TMEM43: variants seen among roughly 807,000 people sequenced by gnomAD.
The protein encoded by TMEM43 is arrhythmogenic right ventricular dysplasia 5.
Under a neutral mutation model 49.6 loss-of-function variants are expected in TMEM43, and 45 were observed. The observed-to-expected ratio is 0.91, with a 90% CI of 0.71 to 1.16. TMEM43 has a LOEUF of 1.16. Ranked by LOEUF, TMEM43 falls within the 50% of genes most tolerant of loss-of-function variation. The probability of loss-of-function intolerance (pLI) is 0.00; values close to 1 mark genes in which losing one functional copy is unlikely to be tolerated. For synonymous variants in TMEM43, 199 were observed against 207.8 expected (o/e 0.96, Z 0.36); for missense variants, 532 against 516.6 (o/e 1.03, Z -0.29).
Position 14,125,073 on chromosome 3 carries a change from TG to T in TMEM43, c.-119del. On this transcript the variant is annotated 5_prime_UTR_variant, in exon 1 of 12. Transcript: ENST00000306077. ...AACTGCAGTAAGTCCCGCTTGGCCC[TG>T]GAGTCCACGCGGATTTTCGAAGCTG... is the stretch of plus-strand genomic sequence containing the variant. 7.6e-7 allele frequency: 1 copy of T among 1,308,488 alleles called. No homozygotes were observed. 81.1% of individuals were successfully genotyped at this position (1,308,488 alleles called of 1,614,324 possible).
At chr3:14,131,024 G>A in intron 3 of TMEM43, 68 bp downstream of exon 3, 2 of 1,561,934 alleles carry the variant, frequency 1.3e-6, no homozygotes, top group Non-Finnish European at 1.7e-6. Flanking sequence ...TCTGGCTGAG[G>A]ATTTGAAAGC....
chr3:14,133,866 GCCGGAGCTC>G, intron 7 of TMEM43, 57 bp downstream of exon 7: 3 of 1,500,012 alleles, frequency 2.0e-6, no homozygotes, highest in Non-Finnish European at 2.8e-6. Flanking sequence ...CCCCCCTAGG[GCCGGAGCTC>G]CCAGTACTCA....
chr3:14,131,543 T>A (rs964413573), intron 3 of TMEM43, 37 bp from the exon 4 acceptor site: 1 of 1,576,778 alleles, frequency 6.3e-7, no homozygotes, highest in African/African-American at 1.3e-5. Context: ...GTGAATGTTA[T>A]CCTTTATTTT....
chr3:14,128,652 A>G (rs1159324131), intron 1 of TMEM43, among the ~76,000 whole-genome samples: 5 of 152,238 alleles, frequency 3.3e-5, no homozygotes. Context: ...CAGAAAGCTC[A>G]GCCACTGTTT....
At position 14,141,841 on chromosome 3, in the gene TMEM43, A is replaced by AG. The variant is rs1330931103; in HGVS notation, c.*48dup. The AG allele has an allele frequency of 2.5e-6, 4 of 1,571,006 alleles. No individual in the cohort carries two copies. Among genetic ancestry groups the AG allele is most frequent in the Non-Finnish European group, 3.5e-6 (4 of 1,158,820 alleles). ...GACACCTGCGTGAGCCCTAGGATCC[A>AG]GGTCCTCTCTCACCTCTGACCCAGC... On this transcript the variant is annotated 3_prime_UTR_variant, in exon 12 of 12. Transcript: ENST00000306077.
rs138527599 is a variant in TMEM43 at position 14,126,895 on chromosome 3, G to A, written c.12+1690G>A. On this transcript the variant is annotated intron_variant, in intron 1 of 11. Coordinates refer to ENST00000306077, the MANE Select transcript of TMEM43 (RefSeq NM_024334.3). ...GTACAGCAGCAGCAGTACCTGTGGT[G>A]AAGGTACTATTCCCCTCTCCACTTT... is the stretch of plus-strand genomic sequence containing the variant. Among the ~76,000 whole-genome samples the A allele has an allele frequency of 7.1e-3, 1,080 of 152,346 alleles. 5 individuals carry two copies. The highest frequency in any genetic ancestry group is 0.011 in the Non-Finnish European group (775 of 68,030).
chr3:14,134,920 TAGG>T (rs1176182361), intron 8 of TMEM43, 29 bp downstream of exon 8: 3 of 1,613,726 alleles, frequency 1.9e-6, no homozygotes, highest in African/African-American at 1.3e-5. Context: ...GCTCTCCAAA[TAGG>T]AGGGTCAGGG....
chr3:14,131,654 G>T lies in TMEM43; in HGVS notation c.372G>T (p.Trp124Cys). The T allele has an allele frequency of 1.2e-6, 2 of 1,614,022 alleles. No homozygotes were observed. The highest frequency in any genetic ancestry group is 1.7e-6 in the Non-Finnish European group (2 of 1,179,916). Residue 124 changes from tryptophan to cysteine, a missense_variant, in exon 4 of 12, where the codon TGG becomes TGT. Transcript: ENST00000306077. Reference sequence around the variant, plus strand: ...GGAGGCACGTGGAGATGTACCAATGGGTAGAAACTGAGGAGTCCAGGTGAG... The same window carrying T: ...GGAGGCACGTGGAGATGTACCAATGTGTAGAAACTGAGGAGTCCAGGTGAG... ...KLRRHVEMYQ[W>C]VETEESREYT...
At chr3:14,129,881 G>GT (rs2124985997) in intron 2 of TMEM43, among the ~76,000 whole-genome samples, 1 of 152,250 alleles carries the variant, frequency 6.6e-6, no homozygotes. Flanking sequence ...CTATTATGGT[G>GT]TTTTTCTTGG....
intron 1 of TMEM43, among the ~76,000 whole-genome samples, chr3:14,125,682 G>A (rs566022212): frequency 3.9e-5 from 6 of 152,166 alleles, no homozygotes; most frequent in Non-Finnish European, 5.9e-5. Flanking sequence ...AGAGCTCTCC[G>A]CCCTAGGGAG....
rs188070570 is a variant in TMEM43 at position 14,139,421 on chromosome 3, C to T, written c.1000+124C>T. Reference sequence around the variant, plus strand: ...CCTTGTGCAGATACCAGGCATTTGGCTCATCTCTGTGTCCCCGCTCCATAG... The same window carrying T: ...CCTTGTGCAGATACCAGGCATTTGGTTCATCTCTGTGTCCCCGCTCCATAG... On this transcript the variant is annotated intron_variant, in intron 11 of 11. Transcript: ENST00000306077. 3.9e-4 allele frequency: 297 copies of T among 770,296 alleles called. No individual in the cohort carries two copies. The African/African-American group carries it at 4.6e-3, about 12-fold the overall frequency. 47.7% of individuals were successfully genotyped at this position (770,296 alleles called of 1,614,324 possible). A position where few individuals can be genotyped will look rare whatever the true frequency, so the allele number is the denominator to read the frequency against.
Position 14,141,706 on chromosome 3 carries a change from C to T in TMEM43, c.1114C>T (p.Arg372Ter), listed in dbSNP as rs773224617. Reference protein sequence around the residue: ...LTVAAGWLFYRPLWALLIAGL... With the variant: ...LTVAAGWLFY ...CGTGGCGGCTGGCTGGCTCTTCTAC[C>T]GACCCCTGTGGGCCCTCCTCATTGC... The change falls in exon 12 of 12, where the codon CGA (arginine) becomes TGA (stop). Residue 372 changes from arginine to a stop codon, truncating the protein, a stop_gained. Coordinates refer to ENST00000306077, the MANE Select transcript of TMEM43 (RefSeq NM_024334.3). LOFTEE classifies it high-confidence loss of function. 15 of 1,614,076 alleles carry T rather than the reference C, an allele frequency of 9.3e-6. No individual in the cohort carries two copies. The highest frequency in any genetic ancestry group is 1.3e-5 in the African/African-American group (1 of 74,946).
In TMEM43 at chr3:14,125,082, CG is replaced by C; in HGVS notation, c.-111del. 3 of 1,410,002 alleles carry C rather than the reference CG, an allele frequency of 2.1e-6. No homozygotes were observed. Among genetic ancestry groups the C allele is most frequent in the Non-Finnish European group, 2.9e-6 (3 of 1,018,026 alleles). The allele number at this position is 1,410,002 out of a possible 1,614,324, so 87.3% of individuals were successfully genotyped here. Reference sequence around the variant, plus strand: ...AAGTCCCGCTTGGCCCTGGAGTCCACGCGGATTTTCGAAGCTGGGGCTGGCA... The same window carrying C: ...AAGTCCCGCTTGGCCCTGGAGTCCACCGGATTTTCGAAGCTGGGGCTGGCA... On this transcript the variant is annotated 5_prime_UTR_variant, in exon 1 of 12. Transcript: ENST00000306077.
intron 2 of TMEM43, among the ~76,000 whole-genome samples, 159 bp from the exon 3 acceptor site, chr3:14,130,663 T>C (rs947044110): frequency 6.6e-6 from 1 of 152,066 alleles, no homozygotes; most frequent in African/African-American, 2.4e-5. Flanking sequence ...GTTCCAGTCC[T>C]TACTCTCCAC....
chr3:14,125,412 C>T (rs954419475), intron 1 of TMEM43, among the ~76,000 whole-genome samples: 2 of 152,244 alleles, frequency 1.3e-5, no homozygotes, highest in Non-Finnish European at 2.9e-5. Flanking sequence ...GTCCGTGTTC[C>T]TTGGCTCGCC....
At chr3:14,126,729 A>G (rs984115885) in intron 1 of TMEM43, among the ~76,000 whole-genome samples, 2 of 152,228 alleles carry the variant, frequency 1.3e-5, no homozygotes, top group Non-Finnish European at 2.9e-5. Flanking sequence ...TCACCAAGGA[A>G]TATACATGCA....
At chr3:14,130,110 C>G (rs1195048706) in intron 2 of TMEM43, among the ~76,000 whole-genome samples, 1 of 151,010 alleles carries the variant, frequency 6.6e-6, no homozygotes, top group Admixed American at 6.6e-5. Context: ...CTTTCTCTCC[C>G]TCTCTCTTTC....
chr3:14,138,526 G>A (rs565936422), intron 10 of TMEM43, among the ~76,000 whole-genome samples: 68 of 152,262 alleles, frequency 4.5e-4, no homozygotes, highest in South Asian at 1.5e-3. Flanking sequence ...TGGAGAAGGC[G>A]CCAGTGTCAG....
chr3:14,139,105 C>T (rs1695214851), intron 10 of TMEM43, 75 bp from the exon 11 acceptor site: 6 of 1,087,054 alleles, frequency 5.5e-6, no homozygotes, highest in Non-Finnish European at 2.9e-6. Context: ...GGTACAGCCC[C>T]CTCAGGACCT....
Sources: allele counts gnomAD v4.1 joint callset (sites outside exome capture counted in the v4.1 genomes callset), GRCh38; gene constraint gnomAD v4.1.1; transcripts MANE v1.5; gene names NCBI Gene and HGNC (gene_info 2026-07-23, HGNC 2026-07-21).